Variants in C12orf56 observed in about 807,000 individuals in gnomAD.
C12orf56 encodes uncharacterized protein C12orf56.
Under a neutral mutation model 69.9 loss-of-function variants are expected in C12orf56, and 71 were observed. That is an observed-to-expected ratio of 1.02 (90% CI 0.84 to 1.24). The LOEUF is 1.24. Ranked by LOEUF, C12orf56 falls within the 50% of genes most tolerant of loss-of-function variation. The pLI is 0.00. For synonymous variants in C12orf56, 276 were observed against 274.1 expected (o/e 1.01, Z -0.07); for missense variants, 732 against 738.5 (o/e 0.99, Z 0.10).
At position 64,357,251 on chromosome 12, in the gene C12orf56, G is replaced by A. The variant is rs147331399; in HGVS notation, c.253-4195C>T. 4.1e-4 allele frequency among the ~76,000 whole-genome samples: 63 copies of A among 152,142 alleles called. No homozygotes were observed. The East Asian group carries it at 9.3e-3, about 22-fold the overall frequency. On this transcript the variant is annotated intron_variant, in intron 1 of 12. Coordinates refer to ENST00000543942, the MANE Select transcript of C12orf56 (RefSeq NM_001170633.2). ...TGTTCCTTAGCTTAAATTTGTATAG[G>A]TAAGTTCTTAAGTAAGTTGTATAAC...
At chr12:64,293,046 A>G (rs2038313858) in intron 6 of C12orf56, among the ~76,000 whole-genome samples, 1 of 151,944 alleles carries the variant, frequency 6.6e-6, no homozygotes, top group South Asian at 2.1e-4. Context: ...GTGGGATATA[A>G]TCTCATGGTT....
intron 10 of C12orf56, 148 bp downstream of exon 10, chr12:64,275,149 GT>G: frequency 1.3e-6 from 1 of 752,854 alleles, no homozygotes; most frequent in Non-Finnish European, 2.1e-6. Context: ...AAATCAACCA[GT>G]TTTGGAGACC....
At chr12:64,358,860 T>C (rs2039359257) in intron 1 of C12orf56, among the ~76,000 whole-genome samples, 2 of 152,012 alleles carry the variant, frequency 1.3e-5, no homozygotes, top group Admixed American at 1.3e-4. Context: ...AGAACAAAAC[T>C]CTAACAGAAA....
intron 2 of C12orf56, among the ~76,000 whole-genome samples, chr12:64,351,604 C>T (rs547903747): frequency 4.6e-5 from 7 of 152,144 alleles, no homozygotes; most frequent in Admixed American, 3.9e-4. Flanking sequence ...TATTCCCAGC[C>T]CCTAGTCCTC....
intron 1 of C12orf56, among the ~76,000 whole-genome samples, chr12:64,378,375 G>A (rs1007636098): frequency 9.9e-5 from 15 of 152,014 alleles, no homozygotes; most frequent in African/African-American, 3.4e-4. Flanking sequence ...GCAAACATGT[G>A]CTGAGATGGA....
intron 3 of C12orf56, among the ~76,000 whole-genome samples, chr12:64,321,366 G>A (rs2136843615): frequency 6.6e-6 from 1 of 152,206 alleles, no homozygotes; most frequent in Non-Finnish European, 1.5e-5. Context: ...TAGAGATGGG[G>A]GTCTCACTAC....
In C12orf56 at chr12:64,323,565, C is replaced by CTTTTTTT. The variant is rs375927934; in HGVS notation, c.489-4592_489-4586dup. On this transcript the variant is annotated intron_variant, in intron 3 of 12. Coordinates refer to ENST00000543942, the MANE Select transcript of C12orf56 (RefSeq NM_001170633.2). Reference sequence around the variant, plus strand: ...CTAAAACAACTACTGCAAACATTTCCTTTTTTTTTTTTTGCCAAGACAGGG... The same window carrying CTTTTTTT: ...CTAAAACAACTACTGCAAACATTTCCTTTTTTTTTTTTTTTTTTTTGCCAAGACAGGG... Among the ~76,000 whole-genome samples, 24 of 130,848 alleles carry CTTTTTTT rather than the reference C, an allele frequency of 1.8e-4. 3 individuals are homozygous for CTTTTTTT. Among genetic ancestry groups the CTTTTTTT allele is most frequent in the Admixed American group, 5.6e-4 (7 of 12,442 alleles). 85.8% of individuals were successfully genotyped at this position (130,848 alleles called of 152,430 possible).
chr12:64,293,888 C>A (rs75612472), intron 6 of C12orf56, among the ~76,000 whole-genome samples: 11,023 of 152,260 alleles, frequency 0.072, 492 homozygotes, highest in Non-Finnish European at 0.11. Flanking sequence ...CCAAAGGGCA[C>A]AAGGTGACAT....
At chr12:64,297,396 C>CTT (rs78273681) in intron 6 of C12orf56, among the ~76,000 whole-genome samples, 53 of 151,394 alleles carry the variant, frequency 3.5e-4, no homozygotes, top group Admixed American at 1.8e-3. Flanking sequence ...ACTTTTTTTT[C>CTT]TTTTTTTTAT....
Position 64,270,535 on chromosome 12 carries a change from C to A in C12orf56, c.1763+1G>T. 2 of 1,536,444 alleles carry A rather than the reference C, an allele frequency of 1.3e-6. No homozygotes were observed. Among genetic ancestry groups the A allele is most frequent in the Non-Finnish European group, 1.7e-6 (2 of 1,143,724 alleles). ...GATTAGATTCAGACATTTTTTCTTA[C>A]CTGAATTCTTCTCTGTAGTTATTCC... On this transcript the variant is annotated splice_donor_variant, in intron 12 of 12. Transcript: ENST00000543942. LOFTEE classifies it high-confidence loss of function.
At chr12:64,293,726 T>C (rs1185705802) in intron 6 of C12orf56, among the ~76,000 whole-genome samples, 1 of 152,156 alleles carries the variant, frequency 6.6e-6, no homozygotes, top group Non-Finnish European at 1.5e-5. Context: ...TGGAAGAATC[T>C]CAAAAATATT....
At chr12:64,308,951 G>GAAAGAAAGAAA (rs2038566624) in intron 5 of C12orf56, among the ~76,000 whole-genome samples, 6 of 90,292 alleles carry the variant, frequency 6.6e-5, no homozygotes, top group Non-Finnish European at 9.3e-5. Context: ...AAGAAAGAAA[G>GAAAGAAAGAAA]AAAGAAAGAA....
intron 4 of C12orf56, 78 bp downstream of exon 4, chr12:64,318,496 AG>A (rs1465307408): frequency 1.5e-5 from 19 of 1,246,942 alleles, no homozygotes; most frequent in Non-Finnish European, 2.0e-5. Flanking sequence ...TGGGAGGTAA[AG>A]GAGGGAGGAG....
rs1400003866 is a variant in C12orf56 at position 64,390,572 on chromosome 12, C to T, written c.-7G>A. On this transcript the variant is annotated 5_prime_UTR_variant, in exon 1 of 13. Coordinates refer to ENST00000543942, the MANE Select transcript of C12orf56 (RefSeq NM_001170633.2). ...ACGGCAAGGGGCTGGCCATGCCCGG[C>T]GCCCGCAGCGTGGCGGAGTGCTGGG... 6 of 1,556,082 alleles carry T rather than the reference C, an allele frequency of 3.9e-6. No homozygotes were observed. Among genetic ancestry groups the T allele is most frequent in the Admixed American group, 1.8e-5 (1 of 54,568 alleles).
At chr12:64,352,867 A>G (rs967234886) in intron 2 of C12orf56, 27 bp downstream of exon 2, 1 of 1,566,100 alleles carries the variant, frequency 6.4e-7, no homozygotes, top group Non-Finnish European at 8.6e-7. Flanking sequence ...TTTGCCTTAG[A>G]TCCAGAGACA....
intron 4 of C12orf56, among the ~76,000 whole-genome samples, chr12:64,313,816 G>A (rs1165016695): frequency 6.6e-6 from 1 of 151,548 alleles, no homozygotes; most frequent in African/African-American, 2.4e-5. Flanking sequence ...AGGCCAAGGT[G>A]GGCGGATCAC....
Position 64,286,002 on chromosome 12 carries a change from C to A in C12orf56, c.1172G>T (p.Arg391Met). The A allele has an allele frequency of 6.2e-7, 1 of 1,611,650 alleles. No individual in the cohort carries two copies. The highest frequency in any genetic ancestry group is 2.2e-5 in the East Asian group (1 of 44,840). The change falls in exon 7 of 13, where the codon AGG becomes ATG. Residue 391 changes from arginine (R) to methionine (M), a missense_variant. Arg to Met is a moderately conservative substitution (Grantham distance 91). Transcript: ENST00000543942. ...TTGATTTTGTAGTGCATTCTTATCCCTAGACTCCGGCAAGTACTCATGAAG... is the reference window on the plus strand; with the variant it reads ...TTGATTTTGTAGTGCATTCTTATCCATAGACTCCGGCAAGTACTCATGAAG... ...NKLHEYLPES[R>M]DKNALQNQSQ...
At chr12:64,308,896 GA>G (rs1243468988) in intron 5 of C12orf56, among the ~76,000 whole-genome samples, 1 of 54,678 alleles carries the variant, frequency 1.8e-5, no homozygotes, top group African/African-American at 7.6e-5. Flanking sequence ...AAGGAAGAAA[GA>G]AAGAAAGAAA....
intron 2 of C12orf56, among the ~76,000 whole-genome samples, chr12:64,343,143 C>G (rs1387733437): frequency 1.3e-5 from 2 of 152,146 alleles, no homozygotes; most frequent in African/African-American, 4.8e-5. Context: ...CCAAATGAAG[C>G]AACTTATCCT....
Sources: allele counts gnomAD v4.1 joint callset (sites outside exome capture counted in the v4.1 genomes callset), GRCh38; gene constraint gnomAD v4.1.1; transcripts MANE v1.5; gene names NCBI Gene and HGNC (gene_info 2026-07-23, HGNC 2026-07-21).